The following KIAA1549L variants were observed in gnomAD, a reference collection of about 807,000 sequenced individuals.
KIAA1549L encodes UPF0606 protein KIAA1549L.
Under a neutral mutation model 160.7 loss-of-function variants are expected in KIAA1549L, and 88 were observed. The observed-to-expected ratio is 0.55, with a 90% CI of 0.46 to 0.65. The LOEUF is 0.65. Ranked by LOEUF, KIAA1549L falls within the 30% of genes least tolerant of loss-of-function variation. The pLI, the probability that KIAA1549L is intolerant of heterozygous loss-of-function variation, is 0.00. For synonymous variants in KIAA1549L, 950 were observed against 976.7 expected (o/e 0.97, Z 0.51); for missense variants, 2,258 against 2,437.5 (o/e 0.93, Z 1.55).
intron 16 of KIAA1549L, among the ~76,000 whole-genome samples, chr11:33,637,792 A>T (rs1851475389): frequency 6.6e-6 from 1 of 152,218 alleles, no homozygotes. Flanking sequence ...TTTGGACCCA[A>T]GGGTCCACTC....
At chr11:33,382,282 G>C (rs1201061292) in intron 1 of KIAA1549L, among the ~76,000 whole-genome samples, 3 of 152,164 alleles carry the variant, frequency 2.0e-5, no homozygotes. Context: ...GCTAAGAGAA[G>C]AAAGCAATCA....
At chr11:33,463,578 C>T (rs892627399) in intron 1 of KIAA1549L, among the ~76,000 whole-genome samples, 2 of 152,138 alleles carry the variant, frequency 1.3e-5, no homozygotes, top group African/African-American at 4.8e-5. Flanking sequence ...ATCCCAAGGA[C>T]ACTACTGAAA....
rs910387548 is a variant in KIAA1549L, at chr11:33,598,210, GT to G, written c.4752-609del. 3.8e-3 allele frequency among the ~76,000 whole-genome samples: 545 copies of G among 144,038 alleles called. 1 individual carries two copies. The highest frequency in any genetic ancestry group is 0.013 in the African/African-American group (533 of 40,022). The allele number at this position is 144,038 out of a possible 152,430, so 94.5% of individuals were successfully genotyped here. A position where few individuals can be genotyped will look rare whatever the true frequency, so the allele number is the denominator to read the frequency against. On this transcript the variant is annotated intron_variant, in intron 12 of 20. Transcript: ENST00000658780. ...AATGTTTGTGTGTGTGTGTGTGTGT[GT>G]GTGTGTGTGTGTGTGTGTCAGAGTG...
Position 33,568,244 on chromosome 11 carries a change from C to G in KIAA1549L, c.4230+17C>G. 6.3e-7 allele frequency: 1 copy of G among 1,591,794 alleles called. No homozygotes were observed. On this transcript the variant is annotated intron_variant, in intron 9 of 20. Transcript: ENST00000658780. ...ACTGTGCAGGTAGGTGTATACAGAGCCACTGGGGTTTTCTAATAACTGGGG... is the reference window on the plus strand; with the variant it reads ...ACTGTGCAGGTAGGTGTATACAGAGGCACTGGGGTTTTCTAATAACTGGGG...
At chr11:33,465,890 C>T (rs1186809293) in intron 1 of KIAA1549L, among the ~76,000 whole-genome samples, 1 of 152,038 alleles carries the variant, frequency 6.6e-6, no homozygotes, top group Non-Finnish European at 1.5e-5. Flanking sequence ...CCATAAAAAC[C>T]CTAGAAGAAA....
At chr11:33,609,996 T>C (rs746028120) in intron 15 of KIAA1549L, 30 bp downstream of exon 15, 26 of 1,557,616 alleles carry the variant, frequency 1.7e-5, no homozygotes, top group Non-Finnish European at 2.2e-5. Flanking sequence ...CTGTAAAGGG[T>C]GCTGTATCAT....
At chr11:33,487,825 C>T (rs1206254069) in intron 1 of KIAA1549L, among the ~76,000 whole-genome samples, 1 of 152,104 alleles carries the variant, frequency 6.6e-6, no homozygotes, top group Non-Finnish European at 1.5e-5. Context: ...TTAGGATTCA[C>T]AGTTGATCAG....
chr11:33,421,405 C>A (rs1179863461), intron 1 of KIAA1549L, among the ~76,000 whole-genome samples: 1 of 152,234 alleles, frequency 6.6e-6, no homozygotes, highest in Non-Finnish European at 1.5e-5. Context: ...TTGCTACCCA[C>A]AGTGTGGGCC....
At chr11:33,614,565 TATATATATATATATATA>T (rs1850748162) in intron 15 of KIAA1549L, among the ~76,000 whole-genome samples, 8 of 18,712 alleles carry the variant, frequency 4.3e-4, no homozygotes, top group Non-Finnish European at 6.4e-4. Context: ...TATATATATA[TATATATATATATATATA>T]TATTTTTTTT....
intron 6 of KIAA1549L, 134 bp from the exon 7 acceptor site, chr11:33,559,615 C>T: frequency 1.4e-6 from 1 of 692,978 alleles, no homozygotes; most frequent in Non-Finnish European, 2.5e-6. Flanking sequence ...CTTGTCTGTT[C>T]CTTGCTGTTT....
At position 33,591,143 on chromosome 11, in the gene KIAA1549L, G is replaced by A; in HGVS notation, c.4567-94G>A. 3.7e-6 allele frequency: 3 copies of A among 814,022 alleles called. No individual in the cohort carries two copies. In the South Asian group the frequency reaches 4.6e-5, roughly 12 times the overall value. 50.4% of individuals were successfully genotyped at this position (814,022 alleles called of 1,614,324 possible). The stretch of plus-strand genomic sequence containing the variant: ...GTTTATTAATTAGAAAGCTAAGTTT[G>A]GTCCCATCTTTTTGCTGCCTGTCAT... On this transcript the variant is annotated intron_variant, in intron 11 of 20. Coordinates refer to ENST00000658780, the MANE Select transcript of KIAA1549L (RefSeq NM_012194.3).
At chr11:33,658,709 G>T in intron 18 of KIAA1549L, 41 bp from the exon 19 acceptor site, 1 of 1,555,000 alleles carries the variant, frequency 6.4e-7, no homozygotes, top group Non-Finnish European at 8.7e-7. Context: ...CGCCGCCTGA[G>T]GTCTGGGACA....
chr11:33,408,271 C>T lies in KIAA1549L; in HGVS notation c.238+31382C>T, dbSNP rs566085760. Among the ~76,000 whole-genome samples, 62 of 152,094 alleles carry T rather than the reference C, an allele frequency of 4.1e-4. 1 individual carries two copies. Among genetic ancestry groups the T allele is most frequent in the African/African-American group, 1.3e-3 (56 of 41,494 alleles). On this transcript the variant is annotated intron_variant, in intron 1 of 20. Coordinates refer to ENST00000658780, the MANE Select transcript of KIAA1549L (RefSeq NM_012194.3). The stretch of plus-strand genomic sequence containing the variant: ...GCTAACTGGTGCTCTGGGCATCAGT[C>T]GGGAATAGAGAACTAAATTCTGAGT...
chr11:33,483,838 G>GT (rs1239583066), intron 1 of KIAA1549L, among the ~76,000 whole-genome samples: 1 of 152,188 alleles, frequency 6.6e-6, no homozygotes, highest in Non-Finnish European at 1.5e-5. Context: ...ACATGGAACT[G>GT]TGAGTCCATT....
chr11:33,491,784 T>C (rs1396723634), intron 1 of KIAA1549L, among the ~76,000 whole-genome samples: 2 of 152,184 alleles, frequency 1.3e-5, no homozygotes, highest in Non-Finnish European at 2.9e-5. Flanking sequence ...TTTCAGGATA[T>C]CTAAGGCTGA....
chr11:33,535,697 G>A (rs2133159681), intron 1 of KIAA1549L, among the ~76,000 whole-genome samples: 1 of 152,060 alleles, frequency 6.6e-6, no homozygotes, highest in Non-Finnish European at 1.5e-5. Flanking sequence ...AAAAGAAAAA[G>A]TCACAGGTTC....
rs1172945215 is a variant in KIAA1549L at position 33,591,427 on chromosome 11, C to T, written c.4751+6C>T. The T allele has an allele frequency of 6.3e-7, 1 of 1,594,338 alleles. No individual in the cohort carries two copies. The highest frequency in any genetic ancestry group is 8.6e-7 in the Non-Finnish European group (1 of 1,165,688). On this transcript the variant is annotated splice_donor_region_variant and intron_variant, in intron 12 of 20. Transcript: ENST00000658780. Reference sequence around the variant, plus strand: ...TCCACTGAAACCAGGAAGAGGTAGGCACGGGGCTGACTTCTGCCTCTCTGT... The same window carrying T: ...TCCACTGAAACCAGGAAGAGGTAGGTACGGGGCTGACTTCTGCCTCTCTGT...
At chr11:33,389,150 A>G (rs780395612) in intron 1 of KIAA1549L, among the ~76,000 whole-genome samples, 2 of 152,238 alleles carry the variant, frequency 1.3e-5, no homozygotes, top group Non-Finnish European at 2.9e-5. Context: ...GAATACTTCT[A>G]ACTTCAGTCT....
chr11:33,423,324 G>C (rs1199178926), intron 1 of KIAA1549L, among the ~76,000 whole-genome samples: 2 of 152,168 alleles, frequency 1.3e-5, no homozygotes, highest in African/African-American at 4.8e-5. Context: ...GGTAAAGCTT[G>C]GGTGGAGGGG....
Sources: allele counts gnomAD v4.1 joint callset (sites outside exome capture counted in the v4.1 genomes callset), GRCh38; gene constraint gnomAD v4.1.1; transcripts MANE v1.5; gene names NCBI Gene and HGNC (gene_info 2026-07-23, HGNC 2026-07-21).